Variants in LDHC observed in about 807,000 individuals in gnomAD.
The protein encoded by LDHC is lactate dehydrogenase C, also known as L-lactate dehydrogenase C chain.
A neutral mutation model predicts 30.2 loss-of-function variants in LDHC; 20 were observed. That is an observed-to-expected ratio of 0.66 (90% CI 0.47 to 0.96). The LOEUF (loss-of-function observed/expected upper bound fraction) is 0.96, where lower values mean the gene tolerates loss of function less well. Among genes scored for constraint, LDHC ranks in the 40% least tolerant of loss-of-function variants. The pLI is 0.00. For missense variants in LDHC, 362 were observed against 394.9 expected (o/e 0.92, Z 0.71); for synonymous variants, 139 against 132.7 (o/e 1.05, Z -0.32).
At chr11:18,419,026 TAA>T (rs199816325) in intron 3 of LDHC, among the ~76,000 whole-genome samples, 1,796 of 152,284 alleles carry the variant, frequency 0.012, 19 homozygotes, top group South Asian at 0.021. Context: ...CACTGACTCA[TAA>T]AATTTAGGAG....
chr11:18,421,479 C>T (rs888545772), intron 3 of LDHC, among the ~76,000 whole-genome samples: 5 of 152,006 alleles, frequency 3.3e-5, no homozygotes, highest in Admixed American at 2.0e-4. Flanking sequence ...TTGAGACCAG[C>T]GTGGCCAACC....
chr11:18,423,778 T>C (rs1319938751), intron 3 of LDHC, among the ~76,000 whole-genome samples: 1 of 152,036 alleles, frequency 6.6e-6, no homozygotes, highest in East Asian at 1.9e-4. Context: ...AGAGAAGATA[T>C]TTGCAGTGTT....
rs535920732 is a variant in LDHC, at chr11:18,413,637, A to G, written c.126+794A>G. 4.7e-5 allele frequency among the ~76,000 whole-genome samples: 7 copies of G among 150,170 alleles called. No homozygotes were observed. The South Asian group carries it at 1.5e-3, about 32-fold the overall frequency. ...GCCACCACGCCCAGCTAATTTTTAT[A>G]TTTTTAGTAGAGACGGGGTTTCATC... On this transcript the variant is annotated intron_variant, in intron 2 of 7. Transcript: ENST00000541669.
At chr11:18,437,366 T>C (rs1396713134) in intron 5 of LDHC, among the ~76,000 whole-genome samples, 2 of 152,266 alleles carry the variant, frequency 1.3e-5, no homozygotes, top group African/African-American at 4.8e-5. Flanking sequence ...TATAATTTTA[T>C]TTCTTACATT....
intron 4 of LDHC, among the ~76,000 whole-genome samples, 179 bp downstream of exon 4, chr11:18,430,089 A>G (rs376480784): frequency 1.0e-4 from 12 of 119,506 alleles, no homozygotes; most frequent in Non-Finnish European, 2.1e-4. Context: ...TGATCAAGAT[A>G]CAAAACATTT....
intron 3 of LDHC, among the ~76,000 whole-genome samples, chr11:18,428,673 A>G (rs113522523): frequency 0.15 from 23,209 of 151,916 alleles, 2,003 homozygotes; most frequent in African/African-American, 0.23. Context: ...TCAGGAGTTC[A>G]AAACCAGCCT....
chr11:18,418,611 G>C (rs1867065466), intron 3 of LDHC, among the ~76,000 whole-genome samples: 1 of 151,802 alleles, frequency 6.6e-6, no homozygotes, highest in African/African-American at 2.4e-5. Flanking sequence ...ATTTTTAGTA[G>C]AGACGGGGTT....
intron 6 of LDHC, among the ~76,000 whole-genome samples, chr11:18,439,544 CA>C (rs1848419316): frequency 2.7e-5 from 2 of 74,416 alleles, no homozygotes; most frequent in South Asian, 4.5e-4. Context: ...GCCTGGGCAA[CA>C]AGAGTGAAAC....
At chr11:18,432,130 T>C (rs1173894362) in intron 4 of LDHC, among the ~76,000 whole-genome samples, 3 of 152,192 alleles carry the variant, frequency 2.0e-5, no homozygotes, top group Non-Finnish European at 2.9e-5. Flanking sequence ...TGGCATCACC[T>C]TAGCTGTATC....
chr11:18,440,144 CAAAA>C (rs35749455), intron 6 of LDHC, among the ~76,000 whole-genome samples: 1 of 83,040 alleles, frequency 1.2e-5, no homozygotes, highest in Non-Finnish European at 2.6e-5. Context: ...TACTAAAATA[CAAAA>C]AAAAAAAAAA....
At chr11:18,412,495 CTGGGGG>C in intron 1 of LDHC, 87 bp downstream of exon 1, 2 of 477,094 alleles carry the variant, frequency 4.2e-6, no homozygotes, top group Non-Finnish European at 3.8e-6. Context: ...AAAGTGGTGG[CTGGGGG>C]CAGGGAGAAA....
At chr11:18,444,604 GTATATATATATATATATATATATATATA>G (rs60764598) in intron 6 of LDHC, among the ~76,000 whole-genome samples, 16,914 of 89,520 alleles carry the variant, frequency 0.19, 1,614 homozygotes, top group East Asian at 0.5. Flanking sequence ...TGTTCAGGTG[GTATATATATATATATATATATATATATA>G]TATATATATA....
chr11:18,445,186 G>A (rs1296950678), intron 6 of LDHC, among the ~76,000 whole-genome samples: 2 of 151,938 alleles, frequency 1.3e-5, no homozygotes, highest in African/African-American at 2.4e-5. Flanking sequence ...TGGCAAGCTA[G>A]TAACAATTTT....
chr11:18,412,980 TCCCTCCC>T (rs1866922843), intron 2 of LDHC, 137 bp downstream of exon 2: 1 of 329,296 alleles, frequency 3.0e-6, no homozygotes, highest in African/African-American at 4.7e-5. Flanking sequence ...CCTCCCTCCC[TCCCTCCC>T]TTCCTTCCTT....
rs1376960799 is a variant in LDHC, at chr11:18,447,071, A to T, written c.834+738A>T. Among the ~76,000 whole-genome samples, 5 of 151,998 alleles carry T rather than the reference A, an allele frequency of 3.3e-5. No homozygotes were observed. The East Asian group carries it at 7.7e-4, about 23-fold the overall frequency. ...AGGAGGGGCAGGAGTTAACAAAAAGAGAATGTGTACTGATGCATGTAGATT... is the reference window on the plus strand; with the variant it reads ...AGGAGGGGCAGGAGTTAACAAAAAGTGAATGTGTACTGATGCATGTAGATT... On this transcript the variant is annotated intron_variant, in intron 7 of 7. Coordinates refer to ENST00000541669, the MANE Select transcript of LDHC (RefSeq NM_017448.5).
chr11:18,434,603 G>A (rs144977478), intron 4 of LDHC, 137 bp from the exon 5 acceptor site: 144 of 586,280 alleles, frequency 2.5e-4, no homozygotes, highest in Non-Finnish European at 3.9e-4. Context: ...GTGAGCCACC[G>A]CACCCAGCCA....
intron 6 of LDHC, among the ~76,000 whole-genome samples, chr11:18,444,717 C>T (rs1848526968): frequency 6.8e-6 from 1 of 146,722 alleles, no homozygotes; most frequent in South Asian, 2.2e-4. Context: ...GTTGTAAGAC[C>T]TCCTGATATG....
Position 18,450,951 on chromosome 11 carries a change from C to A in LDHC, c.835-12C>A. 2 of 1,565,202 alleles carry A rather than the reference C, an allele frequency of 1.3e-6. No homozygotes were observed. Among genetic ancestry groups the A allele is most frequent in the Non-Finnish European group, 1.7e-6 (2 of 1,158,014 alleles). ...TCAGGTTATTTGAACAATATCTTAT[C>A]TTGCCTTTCAGGGATTATATGGAAT... is the stretch of plus-strand genomic sequence containing the variant. On this transcript the variant is annotated splice_polypyrimidine_tract_variant and intron_variant, in intron 7 of 7. Transcript: ENST00000541669.
At chr11:18,439,825 A>AAC (rs1590233550) in intron 6 of LDHC, among the ~76,000 whole-genome samples, 6 of 144,482 alleles carry the variant, frequency 4.2e-5, no homozygotes, top group Admixed American at 2.8e-4. Flanking sequence ...AAAAAAAAAA[A>AAC]AAAAAAAAAA....
Sources: allele counts gnomAD v4.1 joint callset (sites outside exome capture counted in the v4.1 genomes callset), GRCh38; gene constraint gnomAD v4.1.1; transcripts MANE v1.5; gene names NCBI Gene and HGNC (gene_info 2026-07-23, HGNC 2026-07-21).